Variants in ITGAM observed in about 807,000 individuals in gnomAD.
ITGAM encodes integrin subunit alpha M.
Under a neutral mutation model 137.5 loss-of-function variants are expected in ITGAM, and 79 were observed. That is an observed-to-expected ratio of 0.57 (90% CI 0.48 to 0.69). ITGAM has a LOEUF of 0.69. Ranked by LOEUF, ITGAM falls within the 30% of genes least tolerant of loss-of-function variation. ITGAM has a pLI of 0.00. For synonymous variants in ITGAM, 583 were observed against 592.3 expected (o/e 0.98, Z 0.23); for missense variants, 1,343 against 1,483.5 (o/e 0.91, Z 1.56).
intron 7 of ITGAM, among the ~76,000 whole-genome samples, chr16:31,273,114 T>C (rs967956464): frequency 6.6e-6 from 1 of 152,010 alleles, no homozygotes; most frequent in African/African-American, 2.4e-5. Flanking sequence ...ATTGACAACA[T>C]AGTGAGACTC....
At chr16:31,283,100 A>G (rs1160425414) in intron 12 of ITGAM, among the ~76,000 whole-genome samples, 1 of 152,158 alleles carries the variant, frequency 6.6e-6, no homozygotes, top group Non-Finnish European at 1.5e-5. Context: ...TGCTAGTCTG[A>G]TGGGCTTCCC....
At chr16:31,311,722 T>C (rs2080334130) in intron 14 of ITGAM, among the ~76,000 whole-genome samples, 1 of 152,214 alleles carries the variant, frequency 6.6e-6, no homozygotes, top group African/African-American at 2.4e-5. Flanking sequence ...TGGAAGTCAG[T>C]GTGGTGATTC....
chr16:31,290,804 G>A (rs1057080612), intron 12 of ITGAM, among the ~76,000 whole-genome samples: 3 of 152,060 alleles, frequency 2.0e-5, no homozygotes, highest in Non-Finnish European at 4.4e-5. Flanking sequence ...CTCTCTATTT[G>A]CAGATGATAC....
chr16:31,298,214 A>AAAC (rs2144384054), intron 14 of ITGAM, among the ~76,000 whole-genome samples: 1 of 147,524 alleles, frequency 6.8e-6, no homozygotes, highest in African/African-American at 2.7e-5. Flanking sequence ...CAAAAAAAAA[A>AAAC]AAAAAAAAAA....
In ITGAM at chr16:31,325,484, C is replaced by T. The variant is rs1462961357; in HGVS notation, c.2506-16C>T. 1 of 1,613,690 alleles carries T rather than the reference C, an allele frequency of 6.2e-7. No homozygotes were observed. Among genetic ancestry groups the T allele is most frequent in the Non-Finnish European group, 8.5e-7 (1 of 1,179,826 alleles). On this transcript the variant is annotated splice_polypyrimidine_tract_variant and intron_variant, in intron 20 of 29. Transcript: ENST00000544665. ...CGGAGGTGGATATCACCGCCTTTGCCTCCCCTGCCTTCCAGAACCAGCGCT... is the reference window on the plus strand; with the variant it reads ...CGGAGGTGGATATCACCGCCTTTGCTTCCCCTGCCTTCCAGAACCAGCGCT...
chr16:31,329,271 A>T lies in ITGAM; in HGVS notation c.2836A>T (p.Asn946Tyr). The change falls in exon 24 of 30, where the codon AAT becomes TAT. Residue 946 changes from asparagine to tyrosine, a missense_variant. Asn to Tyr is a moderately radical substitution (Grantham distance 143). Transcript: ENST00000544665. ...TKYLNFTASE[N>Y]TSRVMQHQYQ... Reference sequence around the variant, plus strand: ...ATATCTCAACTTCACGGCCTCAGAGAATACCAGTCGGGTCATGCAGCATCA... The same window carrying T: ...ATATCTCAACTTCACGGCCTCAGAGTATACCAGTCGGGTCATGCAGCATCA... 6.2e-7 allele frequency: 1 copy of T among 1,613,356 alleles called. No individual in the cohort carries two copies. The highest frequency in any genetic ancestry group is 8.5e-7 in the Non-Finnish European group (1 of 1,179,502).
At chr16:31,270,496 T>C (rs534953939) in intron 5 of ITGAM, among the ~76,000 whole-genome samples, 1 of 150,662 alleles carries the variant, frequency 6.6e-6, no homozygotes, top group South Asian at 2.1e-4. Context: ...CCATACCACT[T>C]TGTCCTTGTT....
At chr16:31,302,920 C>CTTTCTTTT (rs2080224442) in intron 14 of ITGAM, among the ~76,000 whole-genome samples, 1 of 5,914 alleles carries the variant, frequency 1.7e-4, no homozygotes, top group Non-Finnish European at 3.6e-4. Context: ...TTCCCTCCCT[C>CTTTCTTTT]TTTCTTTCTT....
chr16:31,323,422 A>G (rs948959943), intron 16 of ITGAM, among the ~76,000 whole-genome samples: 5 of 144,030 alleles, frequency 3.5e-5, no homozygotes, highest in Non-Finnish European at 6.1e-5. Flanking sequence ...GCGAAACTCC[A>G]TTTCAAAAAA....
At position 31,297,778 on chromosome 16, in the gene ITGAM, G is replaced by A. The variant is rs565499043; in HGVS notation, c.1531G>A (p.Gly511Arg). ...ARWQCDAVLY[G>R]EQGQPWGRFG... ...GTGGCAGTGTGATGCTGTTCTCTAC[G>A]GGGAGCAGGGCCAACCCTGGGGCCG... The change falls in exon 14 of 30, where the codon GGG becomes AGG. Residue 511 changes from glycine (G) to arginine (R), a missense_variant. Gly to Arg is a moderately radical substitution (Grantham distance 125). Transcript: ENST00000544665. 1.5e-5 allele frequency: 24 copies of A among 1,603,974 alleles called. No homozygotes were observed. The highest frequency in any genetic ancestry group is 1.9e-5 in the Non-Finnish European group (22 of 1,176,406).
rs1292895997 is a variant in ITGAM, at chr16:31,276,778, G to A, written c.1083+34G>A. ...CCCTTCATTAAATTGCGGGGGTGGG[G>A]CAGGGGGTAGCAAGAAGAGATAGGA... On this transcript the variant is annotated intron_variant, in intron 10 of 29. Transcript: ENST00000544665. The A allele has an allele frequency of 3.2e-6, 5 of 1,582,972 alleles. No individual in the cohort carries two copies. In the South Asian group the frequency reaches 5.7e-5, roughly 18 times the overall value.
At position 31,278,018 on chromosome 16, in the gene ITGAM, G is replaced by A; in HGVS notation, c.1265G>A (p.Gly422Glu). The A allele has an allele frequency of 3.1e-6, 5 of 1,605,676 alleles. No individual in the cohort carries two copies. Among genetic ancestry groups the A allele is most frequent in the Non-Finnish European group, 4.3e-6 (5 of 1,176,236 alleles). Reference sequence around the variant, plus strand: ...AACCGGGTGCAAAGCCTGGTTCTGGGGGCACCTCGATATCAGCACATCGGC... The same window carrying A: ...AACCGGGTGCAAAGCCTGGTTCTGGAGGCACCTCGATATCAGCACATCGGC... ...LRNRVQSLVLGAPRYQHIGLV... is the reference protein window; with the variant it reads ...LRNRVQSLVLEAPRYQHIGLV... The change falls in exon 12 of 30, where the codon GGG becomes GAG. Residue 422 changes from glycine to glutamate, a missense_variant. Transcript: ENST00000544665.
intron 14 of ITGAM, among the ~76,000 whole-genome samples, chr16:31,316,992 G>T (rs369639675): frequency 6.6e-6 from 1 of 151,882 alleles, no homozygotes; most frequent in Non-Finnish European, 1.5e-5. Context: ...TAACTTTTTC[G>T]TAGAGTATTT....
chr16:31,272,092 TGC>T, intron 7 of ITGAM, 100 bp downstream of exon 7: 2 of 1,425,214 alleles, frequency 1.4e-6, no homozygotes, highest in Non-Finnish European at 2.0e-6. Context: ...TGGTAGAGGA[TGC>T]TTCCCCACCG....
intron 14 of ITGAM, 94 bp downstream of exon 14, chr16:31,298,048 C>A: frequency 9.7e-7 from 1 of 1,028,262 alleles, no homozygotes; most frequent in Non-Finnish European, 1.5e-6. Context: ...TAAGTTCTCA[C>A]AGTACTCCTT....
intron 14 of ITGAM, among the ~76,000 whole-genome samples, chr16:31,302,202 G>C (rs1406842693): frequency 6.6e-6 from 1 of 152,094 alleles, no homozygotes; most frequent in East Asian, 1.9e-4. Flanking sequence ...AGTGTAGAAA[G>C]GAAAAGGCTC....
chr16:31,266,924 G>A (rs1478526333), intron 5 of ITGAM, among the ~76,000 whole-genome samples: 1 of 150,698 alleles, frequency 6.6e-6, no homozygotes, highest in African/African-American at 2.4e-5. Flanking sequence ...CTGGAGTGCA[G>A]TGGCACGATC....
At chr16:31,304,031 A>ATT (rs2080241705) in intron 14 of ITGAM, among the ~76,000 whole-genome samples, 1 of 152,158 alleles carries the variant, frequency 6.6e-6, no homozygotes, top group Admixed American at 6.5e-5. Context: ...TTATTTAAGG[A>ATT]ATCTCCATAC....
At chr16:31,312,208 C>T (rs1477319174) in intron 14 of ITGAM, among the ~76,000 whole-genome samples, 1 of 151,252 alleles carries the variant, frequency 6.6e-6, no homozygotes, top group Non-Finnish European at 1.5e-5. Context: ...ATGGGTGCAG[C>T]ACACCAACAT....
Sources: gnomAD v4.1 joint callset for allele counts (sites outside exome capture counted in the v4.1 genomes callset) on GRCh38, gnomAD v4.1.1 for gene constraint, MANE v1.5 for transcripts, NCBI Gene and HGNC (gene_info 2026-07-23, HGNC 2026-07-21) for gene names.